Variants in KCTD8 observed in about 807,000 individuals in gnomAD.
KCTD8 encodes BTB/POZ domain-containing protein KCTD8.
In KCTD8, 27 loss-of-function variants were observed where a neutral mutation model predicts 31.5. The observed-to-expected ratio is 0.86, with a 90% CI of 0.63 to 1.18. The LOEUF is 1.18. Ranked by LOEUF, KCTD8 falls within the 50% of genes most tolerant of loss-of-function variation. The probability of loss-of-function intolerance (pLI) is 0.00; values close to 1 mark genes in which losing one functional copy is unlikely to be tolerated. For missense variants in KCTD8, 658 were observed against 647.7 expected (o/e 1.02, Z -0.17); for synonymous variants, 290 against 280.0 (o/e 1.04, Z -0.36).
At chr4:44,221,139 A>G (rs1560398419) in intron 1 of KCTD8, among the ~76,000 whole-genome samples, 1 of 152,178 alleles carries the variant, frequency 6.6e-6, no homozygotes, top group Non-Finnish European at 1.5e-5. Context: ...ATTGTCTCTC[A>G]GCTCCAAATT....
At chr4:44,437,312 C>T (rs1369634051) in intron 1 of KCTD8, among the ~76,000 whole-genome samples, 1 of 152,106 alleles carries the variant, frequency 6.6e-6, no homozygotes, top group African/African-American at 2.4e-5. Context: ...AGTCTAAAGT[C>T]AGGCAATGCA....
chr4:44,204,936 A>G lies in KCTD8; in HGVS notation c.962-29686T>C, dbSNP rs115569385. ...AAATCATCAATATTAATTTTCTAAA[A>G]TATAGAAAATTAATTACACTCAGTG... is the stretch of plus-strand genomic sequence containing the variant. On this transcript the variant is annotated intron_variant, in intron 1 of 1. Transcript: ENST00000360029. Among the ~76,000 whole-genome samples the G allele has an allele frequency of 9.0e-3, 1,374 of 152,198 alleles. 20 individuals carry two copies. Among genetic ancestry groups the G allele is most frequent in the African/African-American group, 0.031 (1,287 of 41,562 alleles).
chr4:44,443,400 A>G (rs925813349), intron 1 of KCTD8, among the ~76,000 whole-genome samples: 1 of 152,230 alleles, frequency 6.6e-6, no homozygotes, highest in Non-Finnish European at 1.5e-5. Context: ...TCTTAAATTC[A>G]GCAAGCATGC....
chr4:44,394,279 TAC>T (rs1364210957), intron 1 of KCTD8, among the ~76,000 whole-genome samples: 1 of 151,962 alleles, frequency 6.6e-6, no homozygotes, highest in East Asian at 1.9e-4. Context: ...GGCAAAGAAA[TAC>T]AGTTTCTAAA....
chr4:44,298,011 T>C lies in KCTD8; in HGVS notation c.962-122761A>G, dbSNP rs367825324. On this transcript the variant is annotated intron_variant, in intron 1 of 1. Coordinates refer to ENST00000360029, the MANE Select transcript of KCTD8 (RefSeq NM_198353.3). ...GACTGCCATTAGACTATGAACTCAT[T>C]TGAGTCAAGAATTACCTTAGTTATC... Among the ~76,000 whole-genome samples, 302 of 152,300 alleles carry C rather than the reference T, an allele frequency of 2.0e-3. 1 individual carries two copies. The highest frequency in any genetic ancestry group is 2.9e-3 in the Non-Finnish European group (200 of 68,010).
intron 1 of KCTD8, among the ~76,000 whole-genome samples, chr4:44,209,040 T>G (rs1372024649): frequency 3.3e-5 from 5 of 152,164 alleles, no homozygotes; most frequent in Non-Finnish European, 7.4e-5. Flanking sequence ...TGTTATGTAT[T>G]TCTGTTTAAG....
intron 1 of KCTD8, among the ~76,000 whole-genome samples, chr4:44,218,772 A>G (rs1714725336): frequency 6.6e-6 from 1 of 152,102 alleles, no homozygotes; most frequent in South Asian, 2.1e-4. Context: ...GCCTAGTTAT[A>G]CAAGAATTAG....
intron 1 of KCTD8, among the ~76,000 whole-genome samples, chr4:44,317,095 G>A (rs1348953596): frequency 6.6e-6 from 1 of 151,580 alleles, no homozygotes; most frequent in Non-Finnish European, 1.5e-5. Context: ...TTTTACTGCT[G>A]TATGAAGCTA....
At chr4:44,248,184 T>A (rs543723990) in intron 1 of KCTD8, among the ~76,000 whole-genome samples, 1 of 152,042 alleles carries the variant, frequency 6.6e-6, no homozygotes, top group South Asian at 2.1e-4. Flanking sequence ...TGTAAGCTTT[T>A]TAGTATGACA....
rs563992159 is a variant in KCTD8 at position 44,389,380 on chromosome 4, T to C, written c.961+58183A>G. Among the ~76,000 whole-genome samples the C allele has an allele frequency of 1.3e-4, 19 of 151,938 alleles. No individual in the cohort carries two copies. In the South Asian group the frequency reaches 3.5e-3, roughly 28 times the overall value. ...CACATTGCACACGTGTATCAAAATA[T>C]CTTATGTACATCATAAATACACACA... On this transcript the variant is annotated intron_variant, in intron 1 of 1. Transcript: ENST00000360029.
chr4:44,338,072 A>G (rs901711684), intron 1 of KCTD8, among the ~76,000 whole-genome samples: 2 of 152,144 alleles, frequency 1.3e-5, no homozygotes, highest in Admixed American at 1.3e-4. Flanking sequence ...TCAGCATTGC[A>G]TCATCAACCT....
intron 1 of KCTD8, among the ~76,000 whole-genome samples, chr4:44,370,546 C>T (rs1719754376): frequency 6.6e-6 from 1 of 152,124 alleles, no homozygotes; most frequent in Non-Finnish European, 1.5e-5. Flanking sequence ...CTCTAATATC[C>T]TTAGAATATT....
chr4:44,330,076 A>T (rs775211826), intron 1 of KCTD8, among the ~76,000 whole-genome samples: 8 of 151,974 alleles, frequency 5.3e-5, no homozygotes, highest in Non-Finnish European at 8.8e-5. Context: ...TGCAATGAAC[A>T]TGTCAGCTTT....
intron 1 of KCTD8, among the ~76,000 whole-genome samples, chr4:44,181,396 C>A (rs1349918401): frequency 6.6e-6 from 1 of 152,208 alleles, no homozygotes; most frequent in South Asian, 2.1e-4. Flanking sequence ...CAGGCGCGCA[C>A]CACCACGCCT....
rs114193453 is a variant in KCTD8, at chr4:44,226,810, G to C, written c.962-51560C>G. Among the ~76,000 whole-genome samples, 1,311 of 151,500 alleles carry C rather than the reference G, an allele frequency of 8.7e-3. 18 individuals are homozygous for C. Among genetic ancestry groups the C allele is most frequent in the African/African-American group, 0.03 (1,248 of 41,368 alleles). The stretch of plus-strand genomic sequence containing the variant: ...TGACCTGTGATGATGAGCTTTTTTC[G>C]TATGTTTTTTGACCACATAAATGTC... On this transcript the variant is annotated intron_variant, in intron 1 of 1. Coordinates refer to ENST00000360029, the MANE Select transcript of KCTD8 (RefSeq NM_198353.3).
chr4:44,179,198 C>A (rs534291458), intron 1 of KCTD8, among the ~76,000 whole-genome samples: 14 of 151,556 alleles, frequency 9.2e-5, no homozygotes, highest in Non-Finnish European at 1.6e-4. Context: ...TTGCCACCTT[C>A]GAAAAAGTCA....
At chr4:44,304,565 C>T (rs896074341) in intron 1 of KCTD8, among the ~76,000 whole-genome samples, 2 of 151,952 alleles carry the variant, frequency 1.3e-5, no homozygotes, top group Non-Finnish European at 2.9e-5. Flanking sequence ...TAATATAATG[C>T]CATTGATACG....
At chr4:44,359,280 G>T (rs1360038825) in intron 1 of KCTD8, among the ~76,000 whole-genome samples, 3 of 147,434 alleles carry the variant, frequency 2.0e-5, no homozygotes, top group East Asian at 2.0e-4. Context: ...TTCTTCTAGG[G>T]TTTTTTTTTT....
chr4:44,188,263 C>T (rs1299235307), intron 1 of KCTD8, among the ~76,000 whole-genome samples: 2 of 152,058 alleles, frequency 1.3e-5, no homozygotes, highest in African/African-American at 4.8e-5. Flanking sequence ...GGCAGCAGCT[C>T]GGTGCAGAAT....
Sources: gnomAD v4.1 joint callset for allele counts (sites outside exome capture counted in the v4.1 genomes callset) on GRCh38, gnomAD v4.1.1 for gene constraint, MANE v1.5 for transcripts, NCBI Gene and HGNC (gene_info 2026-07-23, HGNC 2026-07-21) for gene names.